MDN1: variants seen among roughly 807,000 people sequenced by gnomAD.
The protein encoded by MDN1 is midasin AAA ATPase 1, also known as midasin.
A neutral mutation model predicts 669.2 loss-of-function variants in MDN1; 266 were observed. The observed-to-expected ratio is 0.40, with a 90% CI of 0.36 to 0.44. The LOEUF is 0.44. Ranked by LOEUF, MDN1 falls within the 20% of genes least tolerant of loss-of-function variation. The probability of loss-of-function intolerance (pLI) is 1.00; values close to 1 mark genes in which losing one functional copy is unlikely to be tolerated. For missense variants in MDN1, 5,940 were observed against 6,754.0 expected, an observed-to-expected ratio of 0.88 and a Z score of 4.22; for synonymous variants, 2,385 against 2,457.1, an observed-to-expected ratio of 0.97 and a Z score of 0.87.
chr6:89,676,154 C>T lies in MDN1; in HGVS notation c.12593G>A (p.Arg4198His), dbSNP rs1584156497. 7 of 1,614,138 alleles carry T rather than the reference C, an allele frequency of 4.3e-6. No homozygotes were observed. The highest frequency in any genetic ancestry group is 2.2e-5 in the East Asian group (1 of 44,878). ...AAGCCTGGCATGCCGTGCAAGAGAG[C>T]GATAAAAATACTTCTGGCATCCATC... ...SWDGCQKYFY[R>H]SLARHARLNA... is the part of the protein sequence containing the mutation. Residue 4198 changes from arginine to histidine, a missense_variant, in exon 77 of 102, where the codon CGC (arginine) becomes CAC (histidine). Around this residue, in one of 5 missense-constraint regions of MDN1, gnomAD observed 2,280 missense variants for 2,576.3 expected, o/e 0.88. Transcript: ENST00000369393.
Position 89,708,584 on chromosome 6 carries a change from G to T in MDN1, c.7810C>A (p.Leu2604Met), listed in dbSNP as rs779179484. The T allele has an allele frequency of 2.5e-6, 4 of 1,613,946 alleles. No individual in the cohort carries two copies. Among genetic ancestry groups the T allele is most frequent in the African/African-American group, 1.3e-5 (1 of 74,910 alleles). ...TCCATCAAATTTCTAATCATGTCCAGAGCCTGCATATTCCATCGGGGATCC... is the reference window on the plus strand; with the variant it reads ...TCCATCAAATTTCTAATCATGTCCATAGCCTGCATATTCCATCGGGGATCC... ...PLDPRWNMQA[L>M]DMIRNLMDFD... Residue 2604 changes from leucine to methionine, a missense_variant, in exon 51 of 102, where the codon CTG becomes ATG. By Grantham distance (15) the Leu-to-Met change is conservative. Transcript: ENST00000369393.
At chr6:89,739,595 G>A (rs1206623343) in intron 32 of MDN1, among the ~76,000 whole-genome samples, 2 of 152,094 alleles carry the variant, frequency 1.3e-5, no homozygotes, top group Non-Finnish European at 2.9e-5. Context: ...TTAACAGACT[G>A]GGATCCAACA....
rs1234240406 is a variant in MDN1, at chr6:89,716,161, T to C, written c.6744-392A>G. ...ATGCTCCGTGAAGAAATAGTCATCA[T>C]CTAACTTGTAGTAGCTTCTATGTTA... On this transcript the variant is annotated intron_variant, in intron 44 of 101. Transcript: ENST00000369393. Among the ~76,000 whole-genome samples, 21 of 152,222 alleles carry C rather than the reference T, an allele frequency of 1.4e-4. 1 individual carries two copies. Among genetic ancestry groups the C allele is most frequent in the Admixed American group, 1.3e-3 (20 of 15,270 alleles).
chr6:89,790,021 T>C (rs754529263), intron 6 of MDN1, 110 bp from the exon 7 acceptor site: 3 of 1,581,514 alleles, frequency 1.9e-6, no homozygotes, highest in Non-Finnish European at 2.6e-6. Flanking sequence ...AAGTAGGCAC[T>C]TGAGGTTTAC....
In MDN1 at chr6:89,650,797, A is replaced by C. The variant is rs148228177; in HGVS notation, c.15966T>G (p.Pro5322=). ...GCTCTTCACATAACCGTTGTGAAAG[A>C]GGCGCTGTTAAGATCAGGTAACTCT... ...MWQSYLILTA[P]LSQRLCEELR... The change falls in exon 96 of 102, where the codon CCT becomes CCG. Residue 5322 remains proline, a synonymous_variant. Coordinates refer to ENST00000369393, the MANE Select transcript of MDN1 (RefSeq NM_014611.3). The C allele has an allele frequency of 6.2e-7, 1 of 1,614,078 alleles. No homozygotes were observed. Among genetic ancestry groups the C allele is most frequent in the African/African-American group, 1.3e-5 (1 of 74,950 alleles).
chr6:89,712,557 G>A lies in MDN1; in HGVS notation c.7430+18C>T. 6.2e-7 allele frequency: 1 copy of A among 1,608,298 alleles called. No homozygotes were observed. Among genetic ancestry groups the A allele is most frequent in the African/African-American group, 1.3e-5 (1 of 74,914 alleles). ...ACCAGCCAAGAAACCAGAGACACAAGCTGAAGGCTCCACTGACCTTGTCCA... is the reference window on the plus strand; with the variant it reads ...ACCAGCCAAGAAACCAGAGACACAAACTGAAGGCTCCACTGACCTTGTCCA... On this transcript the variant is annotated intron_variant, in intron 48 of 101. Coordinates refer to ENST00000369393, the MANE Select transcript of MDN1 (RefSeq NM_014611.3).
At position 89,683,877 on chromosome 6, in the gene MDN1, C is replaced by T. The variant is rs1356837829; in HGVS notation, c.11857G>A (p.Asp3953Asn). 1 of 1,613,396 alleles carries T rather than the reference C, an allele frequency of 6.2e-7. No homozygotes were observed. Among genetic ancestry groups the T allele is most frequent in the African/African-American group, 1.3e-5 (1 of 74,892 alleles). The change falls in exon 72 of 102, where the codon GAT (aspartate) becomes AAT (asparagine). Residue 3953 changes from aspartate (D) to asparagine (N), a missense_variant. Physicochemically the swap from Asp to Asn is conservative, Grantham distance 23. Transcript: ENST00000369393. ...KEFVKISKWNDVSFWSIKQSV... is the reference protein window; with the variant it reads ...KEFVKISKWNNVSFWSIKQSV... Reference sequence around the variant, plus strand: ...TGCTTAATGGACCAGAAGCTGACATCATTCCACTTGGAAATCTTAACAAAT... The same window carrying T: ...TGCTTAATGGACCAGAAGCTGACATTATTCCACTTGGAAATCTTAACAAAT...
chr6:89,781,202 G>C (rs749128524), intron 10 of MDN1, 197 bp downstream of exon 10: 1 of 599,760 alleles, frequency 1.7e-6, no homozygotes, highest in South Asian at 2.0e-5. Flanking sequence ...CTGAAAAAGG[G>C]ATCTGACACC....
In MDN1 at chr6:89,695,658, G is replaced by A. The variant is rs115205638; in HGVS notation, c.9718C>T (p.Arg3240Cys). ...LQIQTWLPQA[R>C]FDPAVKREYK... Reference sequence around the variant, plus strand: ...TCCCTCTTCACCGCAGGGTCAAAGCGTGCCTGGGGAAGCCATGTCTGAATC... The same window carrying A: ...TCCCTCTTCACCGCAGGGTCAAAGCATGCCTGGGGAAGCCATGTCTGAATC... Residue 3240 changes from arginine to cysteine, a missense_variant, in exon 61 of 102, where the codon CGC becomes TGC. By Grantham distance (180) the Arg-to-Cys change is radical (BLOSUM62 -3). This residue lies in a region of MDN1 where 2,292 missense variants were observed against 2,638.3 expected (regional missense o/e 0.87). Transcript: ENST00000369393. The surrounding 1 kb of genome is among the most constrained non-coding windows in gnomAD (Gnocchi z 4.1). 6.9e-4 allele frequency: 1,108 copies of A among 1,612,802 alleles called. 10 individuals carry two copies. The African/African-American group carries it at 0.011, about 16-fold the overall frequency.
At chr6:89,699,957 C>A in intron 57 of MDN1, 106 bp downstream of exon 57, 1 of 1,193,568 alleles carries the variant, frequency 8.4e-7, no homozygotes, top group Non-Finnish European at 1.2e-6. Flanking sequence ...CCCTCTGCTT[C>A]GGTAACCATC....
chr6:89,701,736 A>T, intron 54 of MDN1, 58 bp from the exon 55 acceptor site: 3 of 1,569,246 alleles, frequency 1.9e-6, no homozygotes, highest in Non-Finnish European at 2.6e-6. Context: ...GCTAGACAGT[A>T]AGAGAAGCCA....
At chr6:89,761,231 A>G (rs1817530132) in intron 17 of MDN1, among the ~76,000 whole-genome samples, 1 of 152,182 alleles carries the variant, frequency 6.6e-6, no homozygotes, top group African/African-American at 2.4e-5. Flanking sequence ...CTTCCCTTTG[A>G]GATATATATT....
chr6:89,657,405 C>G (rs952277097), intron 90 of MDN1, among the ~76,000 whole-genome samples: 1 of 152,178 alleles, frequency 6.6e-6, no homozygotes, highest in Admixed American at 6.5e-5. Context: ...GCGTTGACAT[C>G]CCATGTTCTT....
At chr6:89,727,991 T>C in intron 36 of MDN1, 36 bp from the exon 37 acceptor site, 1 of 1,577,780 alleles carries the variant, frequency 6.3e-7, no homozygotes, top group Non-Finnish European at 8.6e-7. Flanking sequence ...AAGCCATTAT[T>C]ACTTTAAAAA....
intron 11 of MDN1, among the ~76,000 whole-genome samples, chr6:89,779,394 C>T (rs1562210123): frequency 1.3e-5 from 2 of 152,130 alleles, no homozygotes; most frequent in Admixed American, 6.6e-5. Flanking sequence ...ATACATGCTC[C>T]CATCATAGAT....
intron 88 of MDN1, among the ~76,000 whole-genome samples, chr6:89,659,676 A>G (rs1041125199): frequency 6.6e-6 from 1 of 152,228 alleles, no homozygotes; most frequent in Non-Finnish European, 1.5e-5. Flanking sequence ...AAAAAACACA[A>G]TAGGAAAATT....
intron 53 of MDN1, among the ~76,000 whole-genome samples, chr6:89,704,730 G>A (rs1274017142): frequency 6.6e-6 from 1 of 152,088 alleles, no homozygotes; most frequent in African/African-American, 2.4e-5. Flanking sequence ...ACAGGCGCCC[G>A]CCACCATGCC....
intron 27 of MDN1, among the ~76,000 whole-genome samples, chr6:89,746,474 T>C (rs1816618159): frequency 6.6e-6 from 1 of 151,112 alleles, no homozygotes; most frequent in South Asian, 2.1e-4. Flanking sequence ...CCCAGCTACT[T>C]GGGAGGCTGA....
intron 22 of MDN1, among the ~76,000 whole-genome samples, 177 bp downstream of exon 22, chr6:89,753,335 A>G (rs1817051241): frequency 6.6e-6 from 1 of 152,182 alleles, no homozygotes. Flanking sequence ...ATCTCCAAAG[A>G]GCACGCTTAT....
Sources: allele counts gnomAD v4.1 joint callset (sites outside exome capture counted in the v4.1 genomes callset), GRCh38; gene constraint gnomAD v4.1.1; regional missense constraint gnomAD v4.1.1; non-coding constraint Gnocchi (gnomAD v3.1); transcripts MANE v1.5; gene names NCBI Gene and HGNC (gene_info 2026-07-23, HGNC 2026-07-21).